The following EBF1 variants were observed in gnomAD, a reference collection of about 807,000 sequenced individuals.
EBF1 encodes EBF transcription factor 1, also known as transcription factor COE1.
EBF1 carries 10 observed loss-of-function variants against 68.4 expected under a neutral mutation model. The ratio of observed to expected loss-of-function variants is 0.15; its 90% CI spans 0.09 to 0.25. The LOEUF is 0.25. Ranked by LOEUF, EBF1 falls within the 10% of genes least tolerant of loss-of-function variation. EBF1 has a pLI of 1.00. For missense variants in EBF1, 509 were observed against 794.4 expected (o/e 0.64, Z 4.32); for synonymous variants, 298 against 299.8 (o/e 0.99, Z 0.06).
At chr5:158,916,423 A>G (rs1807199644) in intron 6 of EBF1, among the ~76,000 whole-genome samples, 2 of 152,224 alleles carry the variant, frequency 1.3e-5, no homozygotes. Flanking sequence ...TTGATAGAAC[A>G]AGATAAAATC....
At chr5:158,747,030 C>G (rs966161573) in intron 10 of EBF1, among the ~76,000 whole-genome samples, 4 of 152,168 alleles carry the variant, frequency 2.6e-5, no homozygotes, top group African/African-American at 7.2e-5. Flanking sequence ...ACAGTGTGAT[C>G]TTGATGTGGT....
intron 6 of EBF1, among the ~76,000 whole-genome samples, chr5:158,855,689 G>A (rs1391386946): frequency 6.6e-6 from 1 of 152,168 alleles, no homozygotes; most frequent in African/African-American, 2.4e-5. Flanking sequence ...TCAAATATTT[G>A]CTAAGTGAAT....
At chr5:158,729,117 A>G (rs1192838784) in intron 11 of EBF1, among the ~76,000 whole-genome samples, 2 of 152,348 alleles carry the variant, frequency 1.3e-5, no homozygotes, top group Non-Finnish European at 1.5e-5. Flanking sequence ...GCAAATCATC[A>G]TAGCTACCTT....
chr5:158,775,988 C>T (rs187510677), intron 10 of EBF1, among the ~76,000 whole-genome samples: 114 of 152,290 alleles, frequency 7.5e-4, no homozygotes, highest in Non-Finnish European at 1.1e-3. Context: ...TCATAGCTTT[C>T]TCTACGCTTC....
At chr5:158,737,204 G>A (rs911178561) in intron 10 of EBF1, among the ~76,000 whole-genome samples, 4 of 148,606 alleles carry the variant, frequency 2.7e-5, no homozygotes, top group Non-Finnish European at 5.9e-5. Flanking sequence ...AGCCAACATA[G>A]GCAGAATTAA....
At chr5:159,045,410 T>A (rs776853212) in intron 6 of EBF1, among the ~76,000 whole-genome samples, 6 of 148,300 alleles carry the variant, frequency 4.0e-5, no homozygotes, top group Admixed American at 1.4e-4. Flanking sequence ...AATGAATTTT[T>A]TTTTCCCCTT....
At chr5:159,035,980 G>T (rs559596002) in intron 6 of EBF1, among the ~76,000 whole-genome samples, 2 of 152,166 alleles carry the variant, frequency 1.3e-5, no homozygotes, top group African/African-American at 4.8e-5. Flanking sequence ...GACCCCCAGT[G>T]GTGGGGGACA....
chr5:158,784,403 GC>G (rs1012554614), intron 9 of EBF1, among the ~76,000 whole-genome samples: 5 of 152,112 alleles, frequency 3.3e-5, no homozygotes, highest in African/African-American at 1.2e-4. Flanking sequence ...TGTATCTGCA[GC>G]TTTTCCCATA....
At chr5:158,793,921 C>T (rs1232255657) in intron 9 of EBF1, among the ~76,000 whole-genome samples, 2 of 151,982 alleles carry the variant, frequency 1.3e-5, no homozygotes, top group Non-Finnish European at 2.9e-5. Flanking sequence ...TAGAATATTA[C>T]AAAAAAGGGT....
chr5:159,072,497 C>G (rs1777992571), intron 6 of EBF1, among the ~76,000 whole-genome samples: 1 of 152,058 alleles, frequency 6.6e-6, no homozygotes, highest in Admixed American at 6.6e-5. Flanking sequence ...CATTGGTTTC[C>G]TCAATGAGGG....
At chr5:158,731,430 A>T (rs559063255) in intron 10 of EBF1, among the ~76,000 whole-genome samples, 2 of 152,306 alleles carry the variant, frequency 1.3e-5, no homozygotes, top group South Asian at 2.1e-4. Flanking sequence ...CATGATCATA[A>T]ATAGAAAGTA....
intron 6 of EBF1, among the ~76,000 whole-genome samples, chr5:158,996,753 A>G (rs1761493161): frequency 6.6e-6 from 1 of 152,244 alleles, no homozygotes; most frequent in Non-Finnish European, 1.5e-5. Context: ...ATGATACTCA[A>G]GCCCATTCCT....
chr5:159,012,285 C>CAA (rs969702778), intron 6 of EBF1, among the ~76,000 whole-genome samples: 7 of 113,726 alleles, frequency 6.2e-5, no homozygotes, highest in African/African-American at 2.3e-4. Context: ...GACTCTGTCT[C>CAA]AAAAAAAAAA....
intron 10 of EBF1, among the ~76,000 whole-genome samples, chr5:158,755,654 A>G (rs1769911376): frequency 6.6e-6 from 1 of 152,156 alleles, no homozygotes; most frequent in African/African-American, 2.4e-5. Flanking sequence ...GCATTTTGAG[A>G]TATTTGATGG....
chr5:159,049,186 G>A (rs1773040392), intron 6 of EBF1, among the ~76,000 whole-genome samples: 1 of 152,174 alleles, frequency 6.6e-6, no homozygotes, highest in Non-Finnish European at 1.5e-5. Flanking sequence ...CTGATTTAAA[G>A]CTAAACATAC....
intron 8 of EBF1, among the ~76,000 whole-genome samples, chr5:158,817,215 C>T (rs1182058150): frequency 1.3e-5 from 2 of 151,808 alleles, no homozygotes; most frequent in African/African-American, 2.4e-5. Context: ...GCAAAACAAC[C>T]CTTGCACACA....
intron 6 of EBF1, among the ~76,000 whole-genome samples, chr5:158,877,475 T>G (rs2128079614): frequency 6.6e-6 from 1 of 152,300 alleles, no homozygotes; most frequent in African/African-American, 2.4e-5. Flanking sequence ...GAGTTTGATT[T>G]TCTTCATCAT....
intron 6 of EBF1, among the ~76,000 whole-genome samples, chr5:158,884,524 GGCAAGGTA>G (rs1401684101): frequency 1.3e-5 from 2 of 152,140 alleles, no homozygotes; most frequent in East Asian, 3.8e-4. Context: ...AAAAAAGGTA[GGCAAGGTA>G]GCCCTCAGGA....
intron 6 of EBF1, among the ~76,000 whole-genome samples, chr5:159,017,238 GAA>G (rs1483997063): frequency 1.3e-5 from 2 of 151,428 alleles, no homozygotes; most frequent in African/African-American, 4.9e-5. Flanking sequence ...AGCTATAAAA[GAA>G]AGTTGACAAA....
Sources: gnomAD v4.1 joint callset for allele counts (sites outside exome capture counted in the v4.1 genomes callset) on GRCh38, gnomAD v4.1.1 for gene constraint, MANE v1.5 for transcripts, NCBI Gene and HGNC (gene_info 2026-07-23, HGNC 2026-07-21) for gene names.